Variants in AFMID observed in about 807,000 individuals in gnomAD.
AFMID encodes arylformamidase.
AFMID carries 39 observed loss-of-function variants against 47.5 expected under a neutral mutation model. That is an observed-to-expected ratio of 0.82 (90% confidence interval 0.64 to 1.07). AFMID has a LOEUF of 1.07. Ranked by LOEUF, AFMID falls within the 50% of genes least tolerant of loss-of-function variation. The probability of loss-of-function intolerance (pLI) is 0.00; values close to 1 mark genes in which losing one functional copy is unlikely to be tolerated. For missense variants in AFMID, 375 were observed against 387.5 expected (o/e 0.97, Z 0.27); for synonymous variants, 130 against 153.2 (o/e 0.85, Z 1.12).
At position 78,200,843 on chromosome 17, in the gene AFMID, G is replaced by A. The variant is rs78794067; in HGVS notation, c.155-1656G>A. ...TAAACAAATGCAATATTTATTTTCA[G>A]CAAAGCAGGGAGTTCCTGCAAAGAT... On this transcript the variant is annotated intron_variant, in intron 2 of 10. Coordinates refer to ENST00000409257, the MANE Select transcript of AFMID (RefSeq NM_001010982.5). 5.1e-4 allele frequency among the ~76,000 whole-genome samples: 78 copies of A among 152,270 alleles called. No homozygotes were observed. The East Asian group carries it at 0.014, about 28-fold the overall frequency.
intron 10 of AFMID, 81 bp from the exon 11 acceptor site, chr17:78,206,830 C>G: frequency 6.5e-6 from 10 of 1,528,146 alleles, no homozygotes; most frequent in Non-Finnish European, 9.1e-6. Context: ...CTGCATCCAG[C>G]CCTGTCTCAT....
intron 2 of AFMID, among the ~76,000 whole-genome samples, chr17:78,198,167 T>C (rs1013146415): frequency 6.6e-6 from 1 of 152,156 alleles, no homozygotes; most frequent in Non-Finnish European, 1.5e-5. Context: ...AGGTTAAGGC[T>C]GCAGTAAGCC....
intron 7 of AFMID, 100 bp downstream of exon 7, chr17:78,205,290 T>C: frequency 7.0e-7 from 1 of 1,436,550 alleles, no homozygotes; most frequent in Non-Finnish European, 9.7e-7. Context: ...ATGAGTGGCT[T>C]GACCGCAGGG....
chr17:78,194,091 A>G (rs1339768132), intron 2 of AFMID, among the ~76,000 whole-genome samples: 1 of 149,316 alleles, frequency 6.7e-6, no homozygotes, highest in Non-Finnish European at 1.5e-5. Context: ...TCAAGGCTGC[A>G]TATTTCTTTA....
rs756391509 is a variant in AFMID, at chr17:78,192,310, C to CTTTT, written c.154+1268_154+1271dup. 1.8e-3 allele frequency among the ~76,000 whole-genome samples: 140 copies of CTTTT among 77,716 alleles called. 7 individuals are homozygous for CTTTT. The highest frequency in any genetic ancestry group is 2.8e-3 in the South Asian group (6 of 2,162). The allele number at this position is 77,716 out of a possible 152,430, so 51.0% of individuals were successfully genotyped here. A position where few individuals can be genotyped will look rare whatever the true frequency, so the allele number is the denominator to read the frequency against. ...ACAGGTGTGAGCCACCATGGCTGGA[C>CTTTT]TTTTTTTTTTTTTTTTTTTTTGAGA... On this transcript the variant is annotated intron_variant, in intron 2 of 10. Transcript: ENST00000409257.
chr17:78,189,650 C>T (rs929790800), intron 1 of AFMID, among the ~76,000 whole-genome samples: 1 of 151,784 alleles, frequency 6.6e-6, no homozygotes, highest in Non-Finnish European at 1.5e-5. Context: ...TCCCGAATAG[C>T]TAGGACTACA....
At chr17:78,203,549 G>A (rs2076303310) in intron 4 of AFMID, 1 of 151,926 alleles carries the variant, frequency 6.6e-6, no homozygotes, top group Non-Finnish European at 1.5e-5. Flanking sequence ...CTGAGGAGGG[G>A]TTTCCCAGGA....
chr17:78,197,250 G>T, intron 2 of AFMID: 2 of 1,536,592 alleles, frequency 1.3e-6, no homozygotes. Flanking sequence ...AGGGTTGTTG[G>T]CAAACCCCCA....
rs1266859628 is a variant in AFMID at position 78,205,601 on chromosome 17, A to T, written c.645-2A>T. 1 of 1,613,646 alleles carries T rather than the reference A, an allele frequency of 6.2e-7. No homozygotes were observed. Among genetic ancestry groups the T allele is most frequent in the Non-Finnish European group, 8.5e-7 (1 of 1,179,752 alleles). On this transcript the variant is annotated splice_acceptor_variant, in intron 8 of 10. Transcript: ENST00000409257. LOFTEE classifies it high-confidence loss of function. The stretch of plus-strand genomic sequence containing the variant: ...CTGACCCCTGTCCACTCCCCACCCC[A>T]GGGAGGACGCTCAGAGGAATAGCCC...
intron 2 of AFMID, among the ~76,000 whole-genome samples, chr17:78,194,771 C>T (rs1216336131): frequency 3.9e-5 from 6 of 152,010 alleles, no homozygotes; most frequent in African/African-American, 9.7e-5. Flanking sequence ...CTCGGCTCAC[C>T]GCAACCTCCG....
At chr17:78,197,541 T>C (rs982612203) in intron 2 of AFMID, 2 of 243,448 alleles carry the variant, frequency 8.2e-6, no homozygotes, top group African/African-American at 2.3e-5. Flanking sequence ...TGTGAGAAAA[T>C]AAAATTTCCA....
intron 2 of AFMID, 63 bp downstream of exon 2, chr17:78,191,123 A>G (rs992363279): frequency 4.9e-6 from 7 of 1,439,946 alleles, no homozygotes; most frequent in Non-Finnish European, 6.8e-6. Context: ...GTGATTCAGA[A>G]TGCTGGGGGT....
At chr17:78,189,529 T>G (rs1309457998) in intron 1 of AFMID, among the ~76,000 whole-genome samples, 1 of 40,656 alleles carries the variant, frequency 2.5e-5, no homozygotes, top group Non-Finnish European at 3.7e-5. Context: ...AGTGTTTTGT[T>G]TTTTTTTTTT....
chr17:78,205,999 C>A lies in AFMID; in HGVS notation c.834C>A (p.Asp278Glu). 1.2e-6 allele frequency: 2 copies of A among 1,614,052 alleles called. No individual in the cohort carries two copies. The highest frequency in any genetic ancestry group is 1.7e-6 in the Non-Finnish European group (2 of 1,180,018). The change falls in exon 10 of 11, where the codon GAC becomes GAA. Residue 278 changes from aspartate (D) to glutamate (E), a missense_variant. Physicochemically the swap from Asp to Glu is conservative, Grantham distance 45 (BLOSUM62 2). Coordinates refer to ENST00000409257, the MANE Select transcript of AFMID (RefSeq NM_001010982.5). ...KASFEELHDVDHFEIVENLTQ... is the reference protein window; with the variant it reads ...KASFEELHDVEHFEIVENLTQ... ...CATTTGAAGAGCTCCACGATGTGGACCACTTTGAAATTGTTGAGAATCTGA... is the reference window on the plus strand; with the variant it reads ...CATTTGAAGAGCTCCACGATGTGGAACACTTTGAAATTGTTGAGAATCTGA...
intron 4 of AFMID, 60 bp from the exon 5 acceptor site, chr17:78,204,596 C>A: frequency 6.5e-7 from 1 of 1,548,540 alleles, no homozygotes. Flanking sequence ...GTGTCCAGGA[C>A]ACAGGAAGCA....
At position 78,201,921 on chromosome 17, in the gene AFMID, A is replaced by G. The variant is rs112028791; in HGVS notation, c.155-578A>G. 4.3e-3 allele frequency among the ~76,000 whole-genome samples: 649 copies of G among 151,412 alleles called. 1 individual carries two copies. Among genetic ancestry groups the G allele is most frequent in the Middle Eastern group, 0.017 (5 of 292 alleles). ...AATTTTTTGTATTTTTAGTAGAGAC[A>G]GGGTTTCACCATGTTAGCCAGGGTG... On this transcript the variant is annotated intron_variant, in intron 2 of 10. Coordinates refer to ENST00000409257, the MANE Select transcript of AFMID (RefSeq NM_001010982.5).
chr17:78,190,802 G>A (rs553063117), intron 1 of AFMID, 168 bp from the exon 2 acceptor site: 67 of 583,202 alleles, frequency 1.1e-4, no homozygotes, highest in East Asian at 5.9e-4. Context: ...AAGGCACAGC[G>A]GTCGCTGGTA....
At chr17:78,193,992 A>AT (rs1208669547) in intron 2 of AFMID, among the ~76,000 whole-genome samples, 8 of 149,334 alleles carry the variant, frequency 5.4e-5, no homozygotes, top group South Asian at 2.1e-4. Context: ...AAAAAAAAAA[A>AT]TTTAAAAATT....
chr17:78,191,735 G>A (rs1489487837), intron 2 of AFMID, among the ~76,000 whole-genome samples: 4 of 151,778 alleles, frequency 2.6e-5, no homozygotes, highest in Non-Finnish European at 5.9e-5. Flanking sequence ...TGTTGCCCAG[G>A]CTGGAGTGCA....
Sources: allele counts gnomAD v4.1 joint callset (sites outside exome capture counted in the v4.1 genomes callset), GRCh38; gene constraint gnomAD v4.1.1; transcripts MANE v1.5; gene names NCBI Gene and HGNC (gene_info 2026-07-23, HGNC 2026-07-21).